Variants in HLTF observed in about 807,000 individuals in gnomAD.
HLTF encodes helicase like transcription factor, also known as DNA-dependent ATPase/E3 ubiquitin-protein ligase HLTF.
Under a neutral mutation model 129.4 loss-of-function variants are expected in HLTF, and 127 were observed. The observed-to-expected ratio is 0.98, with a 90% CI of 0.85 to 1.14. The LOEUF (loss-of-function observed/expected upper bound fraction) is 1.14. Among genes scored for constraint, HLTF ranks in the 50% most tolerant of loss-of-function variants. The pLI, the probability that HLTF is intolerant of heterozygous loss-of-function variation, is 0.00. For missense variants in HLTF, 1,139 were observed against 1,187.1 expected, an observed-to-expected ratio of 0.96 and a Z score of 0.60; for synonymous variants, 332 against 388.8, an observed-to-expected ratio of 0.85 and a Z score of 1.72.
chr3:149,054,321 G>GA (rs903328989), intron 14 of HLTF, among the ~76,000 whole-genome samples: 6 of 152,008 alleles, frequency 3.9e-5, no homozygotes, highest in African/African-American at 1.4e-4. Flanking sequence ...ATTTTAAAAT[G>GA]AAAAAACCTG....
At chr3:149,047,501 G>C (rs1383442817) in intron 17 of HLTF, among the ~76,000 whole-genome samples, 14 of 152,140 alleles carry the variant, frequency 9.2e-5, no homozygotes, top group Non-Finnish European at 1.8e-4. Flanking sequence ...AATTAGCGGG[G>C]CATGCTGGCG....
intron 14 of HLTF, among the ~76,000 whole-genome samples, chr3:149,052,463 C>A (rs1230831180): frequency 6.6e-6 from 1 of 152,060 alleles, no homozygotes; most frequent in Non-Finnish European, 1.5e-5. Context: ...CATTCCAGTT[C>A]TTTACAAGAA....
intron 23 of HLTF, among the ~76,000 whole-genome samples, chr3:149,036,343 C>T (rs1715630470): frequency 7.3e-6 from 1 of 136,490 alleles, no homozygotes; most frequent in Admixed American, 8.2e-5. Context: ...GGCTGGAGTG[C>T]AGTGGCACGA....
chr3:149,079,373 TAAAAAAAAAAAAAAA>T lies in HLTF; in HGVS notation c.229-3341_229-3327del, dbSNP rs71135659. Among the ~76,000 whole-genome samples, 66 of 57,236 alleles carry T rather than the reference TAAAAAAAAAAAAAAA, an allele frequency of 1.2e-3. 1 individual carries two copies. Among genetic ancestry groups the T allele is most frequent in the South Asian group, 6.2e-3 (6 of 974 alleles). 37.5% of individuals were successfully genotyped at this position (57,236 alleles called of 152,430 possible). The stretch of plus-strand genomic sequence containing the variant: ...TGGGCAAAAGGGTAACGACAGTTTC[TAAAAAAAAAAAAAAA>T]AAAAAAAAAAAAAAAAAAAAAAAAT... On this transcript the variant is annotated intron_variant, in intron 2 of 24. Coordinates refer to ENST00000310053, the MANE Select transcript of HLTF (RefSeq NM_003071.4).
intron 16 of HLTF, 41 bp from the exon 17 acceptor site, chr3:149,048,204 T>C (rs761472812): frequency 6.5e-7 from 1 of 1,546,184 alleles, no homozygotes; most frequent in South Asian, 1.2e-5. Flanking sequence ...TTAACCAGAG[T>C]ATCCAGTAAG....
intron 23 of HLTF, among the ~76,000 whole-genome samples, chr3:149,036,567 G>A (rs1020781967): frequency 6.6e-6 from 1 of 151,978 alleles, no homozygotes; most frequent in Non-Finnish European, 1.5e-5. Context: ...GGGATTACAG[G>A]CATGAGCCTC....
At chr3:149,067,175 CAT>C (rs1045549676) in intron 8 of HLTF, among the ~76,000 whole-genome samples, 13 of 150,758 alleles carry the variant, frequency 8.6e-5, no homozygotes, top group African/African-American at 1.7e-4. Flanking sequence ...ATATTATATA[CAT>C]ATATATATGT....
chr3:149,041,693 T>C, intron 19 of HLTF, 25 bp from the exon 20 acceptor site: 1 of 1,533,768 alleles, frequency 6.5e-7, no homozygotes, highest in South Asian at 1.1e-5. Context: ...GAAAAATTAA[T>C]TTCAGAGCAA....
intron 15 of HLTF, among the ~76,000 whole-genome samples, chr3:149,050,000 G>C (rs1448869412): frequency 6.6e-6 from 1 of 151,728 alleles, no homozygotes; most frequent in Non-Finnish European, 1.5e-5. Context: ...CGAGAGGGAG[G>C]GGGAGGGGAG....
At chr3:149,036,297 G>GGTTTTTTTTTTT (rs1715616874) in intron 23 of HLTF, among the ~76,000 whole-genome samples, 3 of 107,984 alleles carry the variant, frequency 2.8e-5, no homozygotes, top group Admixed American at 1.1e-4. Context: ...AAACTATGAG[G>GGTTTTTTTTTTT]TTTTTTTTTT....
At chr3:149,079,903 G>C (rs1412599439) in intron 2 of HLTF, among the ~76,000 whole-genome samples, 1 of 152,018 alleles carries the variant, frequency 6.6e-6, no homozygotes. Context: ...CAGCCACAAA[G>C]TTTTTTATAT....
chr3:149,078,387 TA>T (rs1260717960), intron 2 of HLTF, among the ~76,000 whole-genome samples: 1 of 151,704 alleles, frequency 6.6e-6, no homozygotes. Context: ...TTCTACAAAA[TA>T]AAAATAGAAA....
At chr3:149,078,292 T>A (rs1032274227) in intron 2 of HLTF, among the ~76,000 whole-genome samples, 2 of 152,158 alleles carry the variant, frequency 1.3e-5, no homozygotes, top group Admixed American at 1.3e-4. Context: ...ACACTTGTAA[T>A]CCCAGCACTT....
chr3:149,061,429 A>AAATT (rs1469529089), intron 10 of HLTF, among the ~76,000 whole-genome samples: 1 of 151,944 alleles, frequency 6.6e-6, no homozygotes, highest in Admixed American at 6.6e-5. Context: ...AAAATAAAAT[A>AAATT]AAATAAAATA....
intron 2 of HLTF, among the ~76,000 whole-genome samples, chr3:149,077,270 A>C (rs926542226): frequency 6.7e-6 from 1 of 150,330 alleles, no homozygotes; most frequent in Non-Finnish European, 1.5e-5. Context: ...AAATAAATAA[A>C]TAAATAAATA....
chr3:149,051,558 G>C (rs1716998646), intron 14 of HLTF, among the ~76,000 whole-genome samples: 1 of 152,132 alleles, frequency 6.6e-6, no homozygotes, highest in South Asian at 2.1e-4. Flanking sequence ...TGATGCCTGG[G>C]GTATAATTAA....
At chr3:149,041,914 TA>T in intron 19 of HLTF, 1 of 576,524 alleles carries the variant, frequency 1.7e-6, no homozygotes. Flanking sequence ...CACCACACAA[TA>T]AAAGGCAGAT....
intron 10 of HLTF, among the ~76,000 whole-genome samples, chr3:149,061,547 G>A (rs1717947088): frequency 6.6e-6 from 1 of 152,026 alleles, no homozygotes; most frequent in Non-Finnish European, 1.5e-5. Context: ...AAAAAGAATT[G>A]GCTCGTGGCC....
rs1018495988 is a variant in HLTF at position 149,074,695 on chromosome 3, G to A, written c.396-347C>T. On this transcript the variant is annotated intron_variant, in intron 3 of 24. Coordinates refer to ENST00000310053, the MANE Select transcript of HLTF (RefSeq NM_003071.4). ...ACCACTGAGGGTAGTAACTCATTCT[G>A]CTTGGAAAATGGGAAATGCAAGAAC... Among the ~76,000 whole-genome samples, 7 of 152,226 alleles carry A rather than the reference G, an allele frequency of 4.6e-5. No individual in the cohort carries two copies. The South Asian group carries it at 1.5e-3, about 32-fold the overall frequency.
Sources: gnomAD v4.1 joint callset for allele counts (sites outside exome capture counted in the v4.1 genomes callset) on GRCh38, gnomAD v4.1.1 for gene constraint, MANE v1.5 for transcripts, NCBI Gene and HGNC (gene_info 2026-07-23, HGNC 2026-07-21) for gene names.